Variants in NCOR2 observed in about 807,000 individuals in gnomAD.
NCOR2 encodes the protein nuclear receptor corepressor 2.
A neutral mutation model predicts 262.9 loss-of-function variants in NCOR2; 81 were observed. That is an observed-to-expected ratio of 0.31 (90% CI 0.26 to 0.37). The LOEUF is 0.37. Ranked by LOEUF, NCOR2 falls within the 10% of genes least tolerant of loss-of-function variation. The pLI, the probability that NCOR2 is intolerant of heterozygous loss-of-function variation, is 1.00. For synonymous variants in NCOR2, 1,659 were observed against 1,559.3 expected (o/e 1.06, Z -1.51); for missense variants, 3,385 against 3,621.4 (o/e 0.93, Z 1.68).
intron 41 of NCOR2, among the ~76,000 whole-genome samples, chr12:124,333,642 G>A (rs916599423): frequency 9.5e-5 from 13 of 136,984 alleles, no homozygotes; most frequent in Non-Finnish European, 1.4e-4. Context: ...TGCCATGTCT[G>A]TCCTCGCACA....
At chr12:124,327,063 C>A (rs942955479) in intron 45 of NCOR2, among the ~76,000 whole-genome samples, 27 of 152,174 alleles carry the variant, frequency 1.8e-4, no homozygotes, top group Non-Finnish European at 3.8e-4. Flanking sequence ...TTCACTCCAG[C>A]CTGCTCTCCC....
intron 20 of NCOR2, among the ~76,000 whole-genome samples, chr12:124,368,788 A>G (rs2039241935): frequency 6.6e-6 from 1 of 152,340 alleles, no homozygotes; most frequent in East Asian, 1.9e-4. Context: ...TCATCCCGTA[A>G]ACAATGGTTT....
chr12:124,429,380 C>G lies in NCOR2; in HGVS notation c.1149+233G>C. On this transcript the variant is annotated intron_variant, in intron 10 of 46. Transcript: ENST00000405201. ...TGGATGGGGGAGCGCCAGGGCCCTC[C>G]CTGCAGGGGGTCCTGCTACCCTCCC... The G allele has an allele frequency of 5.4e-6, 3 of 553,008 alleles. No homozygotes were observed. In the South Asian group the frequency reaches 6.6e-5, roughly 12 times the overall value. The allele number at this position is 553,008 out of a possible 1,614,324, so 34.3% of individuals were successfully genotyped here. A position where few individuals can be genotyped will look rare whatever the true frequency, so the allele number is the denominator to read the frequency against.
At chr12:124,471,210 G>A (rs935929294) in intron 4 of NCOR2, among the ~76,000 whole-genome samples, 5 of 152,194 alleles carry the variant, frequency 3.3e-5, no homozygotes, top group African/African-American at 7.2e-5. Context: ...CCCCTGGAGC[G>A]TCCTTCAAAA....
At chr12:124,327,421 G>T (rs2034777428) in exon 45 of NCOR2, 2 of 1,610,760 alleles carry the variant, frequency 1.2e-6, no homozygotes, top group East Asian at 4.5e-5. Flanking sequence ...GGCGAGGTGA[G>T]TGTGTGGTCA....
upstream of NCOR2, among the ~76,000 whole-genome samples, chr12:124,496,527 C>G (rs1565997426): frequency 1.3e-5 from 2 of 152,036 alleles, no homozygotes; most frequent in Non-Finnish European, 2.9e-5. The surrounding 1 kb of genome is among the most constrained non-coding windows in gnomAD (Gnocchi z 4.4). Context: ...GGTCAGGGGT[C>G]AGGAGGGGAA....
At chr12:124,538,678 A>AAG (rs2051192682), upstream of NCOR2, 1 of 154,170 alleles carries the variant, frequency 6.5e-6, no homozygotes, top group African/African-American at 2.4e-5. Flanking sequence ...GTGCCAGTCC[A>AAG]GGAGAGTGAT....
At chr12:124,416,163 C>A (rs368935382) in intron 13 of NCOR2, among the ~76,000 whole-genome samples, 1 of 152,108 alleles carries the variant, frequency 6.6e-6, no homozygotes, top group Non-Finnish European at 1.5e-5. Context: ...CTACTCCCTC[C>A]CCAGACACGA....
rs529043078 is a variant in NCOR2, at chr12:124,492,987, A to G, written c.105+2160T>C. 1.4e-3 allele frequency among the ~76,000 whole-genome samples: 206 copies of G among 152,232 alleles called. 1 individual carries two copies. Among genetic ancestry groups the G allele is most frequent in the African/African-American group, 4.5e-3 (189 of 41,548 alleles). ...CACACAGGTGGCCCCTGCTGCCCCC[A>G]CACAAGGACAGACATGTTCTCACCT... On this transcript the variant is annotated intron_variant, in intron 1 of 46. Coordinates refer to ENST00000405201, the Ensembl canonical transcript of NCOR2.
At chr12:124,335,663 A>C (rs766710953) in intron 38 of NCOR2, 31 bp from the exon 41 acceptor site, 4 of 1,574,264 alleles carry the variant, frequency 2.5e-6, no homozygotes, top group Non-Finnish European at 3.4e-6. Context: ...AGAGTCAGGC[A>C]CCGGGCCCAG....
intron 1 of NCOR2, among the ~76,000 whole-genome samples, chr12:124,522,142 G>A (rs1386442643): frequency 6.6e-6 from 1 of 152,236 alleles, no homozygotes; most frequent in Admixed American, 6.5e-5. Context: ...CAGGCCTGGA[G>A]CTATCAGACA....
chr12:124,510,243 G>A (rs761004191), intron 1 of NCOR2, among the ~76,000 whole-genome samples: 3 of 152,166 alleles, frequency 2.0e-5, no homozygotes, highest in Non-Finnish European at 2.9e-5. Flanking sequence ...TTCTCCTCCC[G>A]ACCTCCATGG....
chr12:124,402,547 C>CTGT (rs761070441), exon 14 of NCOR2: 47 of 1,551,704 alleles, frequency 3.0e-5, no homozygotes, highest in Admixed American at 7.7e-5. Context: ...GCTGCTGCTG[C>CTGT]TGTTGTTGCT....
At chr12:124,524,574 T>A in intron 1 of NCOR2, among the ~76,000 whole-genome samples, 1 of 152,168 alleles carries the variant, frequency 6.6e-6, no homozygotes, top group Admixed American at 6.5e-5. Flanking sequence ...CCAGAGGCAT[T>A]GTTTGAGCAC....
chr12:124,411,273 C>CACAG (rs899052218), intron 13 of NCOR2, among the ~76,000 whole-genome samples: 7 of 151,196 alleles, frequency 4.6e-5, no homozygotes, highest in African/African-American at 9.7e-5. Flanking sequence ...CATACACACA[C>CACAG]AGAGAGAGAG....
At chr12:124,458,070 C>T (rs1483531925) in intron 5 of NCOR2, among the ~76,000 whole-genome samples, 7 of 152,324 alleles carry the variant, frequency 4.6e-5, no homozygotes, top group Non-Finnish European at 7.4e-5. Flanking sequence ...CAGGCTGGCA[C>T]GCGGGCGAGC....
intron 16 of NCOR2, among the ~76,000 whole-genome samples, chr12:124,393,478 T>C (rs957980614): frequency 3.3e-5 from 5 of 152,090 alleles, no homozygotes; most frequent in African/African-American, 1.2e-4. Flanking sequence ...ATAGCTACAC[T>C]CCATCCCATG....
At chr12:124,444,660 G>A (rs930178574) in intron 7 of NCOR2, among the ~76,000 whole-genome samples, 1 of 152,118 alleles carries the variant, frequency 6.6e-6, no homozygotes, top group Admixed American at 6.5e-5. Context: ...TGCTCAGGGA[G>A]AGCCTGACCC....
At chr12:124,489,722 G>C in intron 1 of NCOR2, among the ~76,000 whole-genome samples, 1 of 152,188 alleles carries the variant, frequency 6.6e-6, no homozygotes, top group African/African-American at 2.4e-5. Flanking sequence ...GGAAAGGTGA[G>C]AGGCCACCAG....
Sources: allele counts gnomAD v4.1 joint callset (sites outside exome capture counted in the v4.1 genomes callset), GRCh38; gene constraint gnomAD v4.1.1; non-coding constraint Gnocchi (gnomAD v3.1); transcripts MANE v1.5; gene names NCBI Gene and HGNC (gene_info 2026-07-23, HGNC 2026-07-21).